Variants in RBFOX1 observed in about 807,000 individuals in gnomAD.
RBFOX1 encodes RNA binding fox-1 homolog 1, also known as RNA binding protein fox-1 homolog 1.
A neutral mutation model predicts 57.7 loss-of-function variants in RBFOX1; 8 were observed. The observed-to-expected ratio is 0.14, with a 90% CI of 0.08 to 0.25. RBFOX1 has a LOEUF of 0.25. Ranked by LOEUF, RBFOX1 falls within the 10% of genes least tolerant of loss-of-function variation. RBFOX1 has a pLI of 1.00. For synonymous variants in RBFOX1, 326 were observed against 222.4 expected, an observed-to-expected ratio of 1.47 and a Z score of -4.15; for missense variants, 611 against 548.5, an observed-to-expected ratio of 1.11 and a Z score of -1.14.
At chr16:5,775,109 G>C (rs1459555477) in intron 3 of RBFOX1, among the ~76,000 whole-genome samples, 2 of 152,150 alleles carry the variant, frequency 1.3e-5, no homozygotes, top group Non-Finnish European at 2.9e-5. Flanking sequence ...TGATCCTTGA[G>C]TGATGGTGTA....
chr16:6,739,053 T>C (rs1416849570), intron 3 of RBFOX1, among the ~76,000 whole-genome samples: 1 of 151,956 alleles, frequency 6.6e-6, no homozygotes, highest in Non-Finnish European at 1.5e-5. Context: ...CTAAAATCAA[T>C]AATGTAAGCT....
At chr16:5,764,735 C>A (rs1020684387) in intron 3 of RBFOX1, among the ~76,000 whole-genome samples, 2 of 152,166 alleles carry the variant, frequency 1.3e-5, no homozygotes, top group Non-Finnish European at 2.9e-5. Context: ...GCTTCAGTTC[C>A]TCCATCCTTC....
At chr16:7,419,723 C>G (rs2098521282) in intron 4 of RBFOX1, among the ~76,000 whole-genome samples, 2 of 152,160 alleles carry the variant, frequency 1.3e-5, no homozygotes, top group African/African-American at 2.4e-5. Context: ...CTGTTTACCT[C>G]TCCTGCATTT....
chr16:6,578,734 A>T (rs1317670518), intron 2 of RBFOX1, among the ~76,000 whole-genome samples: 1 of 152,172 alleles, frequency 6.6e-6, no homozygotes, highest in African/African-American at 2.4e-5. Context: ...ATTTCAAGTC[A>T]GTTATCCCAA....
At chr16:7,458,044 TCTC>T (rs1243148600) in intron 4 of RBFOX1, among the ~76,000 whole-genome samples, 3 of 152,144 alleles carry the variant, frequency 2.0e-5, no homozygotes, top group African/African-American at 4.8e-5. Flanking sequence ...AGCTTGGACA[TCTC>T]CTCTTTAAGG....
chr16:6,735,258 A>C (rs912883875), intron 3 of RBFOX1, among the ~76,000 whole-genome samples: 1 of 152,178 alleles, frequency 6.6e-6, no homozygotes, highest in Non-Finnish European at 1.5e-5. Context: ...TTTGGGAGTT[A>C]AGTACACTTG....
intron 1 of RBFOX1, among the ~76,000 whole-genome samples, chr16:6,108,770 T>G (rs1400203781): frequency 1.3e-5 from 2 of 152,138 alleles, no homozygotes; most frequent in Non-Finnish European, 2.9e-5. Flanking sequence ...TTGACTGGCT[T>G]GTGGCCACAT....
chr16:5,787,347 G>A lies in RBFOX1; in HGVS notation c.319-79956G>A, dbSNP rs567544866. 1.4e-4 allele frequency among the ~76,000 whole-genome samples: 21 copies of A among 152,274 alleles called. No homozygotes were observed. The South Asian group carries it at 4.4e-3, about 32-fold the overall frequency. ...GAAGAGCCTCACAGTGAATTAGACAGAAGACCAATGATGTTTCCTGGCAAT... is the reference window on the plus strand; with the variant it reads ...GAAGAGCCTCACAGTGAATTAGACAAAAGACCAATGATGTTTCCTGGCAAT... On this transcript the variant is annotated intron_variant, in intron 3 of 19. Coordinates refer to the RBFOX1 transcript ENST00000641259.
chr16:6,620,351 TAA>T (rs1160936899), intron 2 of RBFOX1, among the ~76,000 whole-genome samples: 2 of 152,162 alleles, frequency 1.3e-5, no homozygotes, highest in African/African-American at 4.8e-5. Flanking sequence ...AAGGCAGTGT[TAA>T]GAGGGAAATG....
At chr16:6,691,050 C>T (rs1169296860) in intron 3 of RBFOX1, among the ~76,000 whole-genome samples, 1 of 152,152 alleles carries the variant, frequency 6.6e-6, no homozygotes, top group East Asian at 1.9e-4. Context: ...CATGTTACAT[C>T]ATGTTCCTTC....
intron 1 of RBFOX1, among the ~76,000 whole-genome samples, chr16:6,293,688 C>G (rs972456248): frequency 2.0e-5 from 3 of 152,126 alleles, no homozygotes; most frequent in Non-Finnish European, 4.4e-5. Context: ...GCTAGTTCAG[C>G]CCTCGTCGCC....
At chr16:7,285,862 G>A (rs900026307) in intron 4 of RBFOX1, among the ~76,000 whole-genome samples, 1 of 152,172 alleles carries the variant, frequency 6.6e-6, no homozygotes, top group Admixed American at 6.5e-5. Flanking sequence ...AGGGTTTTGT[G>A]TGAACACAAG....
chr16:6,327,588 T>A (rs1024778594), intron 2 of RBFOX1, among the ~76,000 whole-genome samples: 8 of 152,196 alleles, frequency 5.3e-5, no homozygotes, highest in Non-Finnish European at 1.5e-5. Flanking sequence ...TAAGAGGAAC[T>A]AGGCAATGAC....
Position 5,377,864 on chromosome 16 carries a change from T to G in RBFOX1, c.220-89352T>G, listed in dbSNP as rs76778203. Among the ~76,000 whole-genome samples, 1,192 of 151,700 alleles carry G rather than the reference T, an allele frequency of 7.9e-3. 65 individuals are homozygous for G. Among genetic ancestry groups the G allele is most frequent in the African/African-American group, 0.027 (1,104 of 40,958 alleles). ...TTTTCAACACAAGTTTAAAACACAA[T>G]CACAGGGTCAACATGTGCTTTCTCT... is the stretch of plus-strand genomic sequence containing the variant. On this transcript the variant is annotated intron_variant, in intron 1 of 2. Coordinates refer to the RBFOX1 transcript ENST00000585867.
At chr16:5,659,842 A>C (rs2049587972) in intron 3 of RBFOX1, among the ~76,000 whole-genome samples, 2 of 152,174 alleles carry the variant, frequency 1.3e-5, no homozygotes, top group African/African-American at 4.8e-5. Context: ...ATCACATTGC[A>C]GTTGTTGCAG....
chr16:5,809,732 G>A (rs1328590424), intron 3 of RBFOX1, among the ~76,000 whole-genome samples: 3 of 152,210 alleles, frequency 2.0e-5, no homozygotes, highest in African/African-American at 7.2e-5. Context: ...TGGTGGGACA[G>A]TAAACTAGTT....
chr16:6,065,959 G>T (rs9937132), intron 1 of RBFOX1, among the ~76,000 whole-genome samples: 6 of 152,066 alleles, frequency 3.9e-5, no homozygotes, highest in African/African-American at 1.5e-4. Flanking sequence ...TGGAAAGTGC[G>T]CTAAGCATGA....
intron 3 of RBFOX1, among the ~76,000 whole-genome samples, chr16:5,614,712 G>T (rs1261198612): frequency 1.3e-5 from 2 of 152,218 alleles, no homozygotes; most frequent in Non-Finnish European, 2.9e-5. Flanking sequence ...CTAGCAGGAA[G>T]AAGACACATT....
At chr16:7,111,717 A>T (rs74011048) in intron 4 of RBFOX1, among the ~76,000 whole-genome samples, 2 of 151,206 alleles carry the variant, frequency 1.3e-5, no homozygotes, top group Non-Finnish European at 1.5e-5. Context: ...GTCTGAAAGG[A>T]CCTGGTCTTT....
Sources: allele counts gnomAD v4.1 joint callset (sites outside exome capture counted in the v4.1 genomes callset), GRCh38; gene constraint gnomAD v4.1.1; transcripts MANE v1.5; gene names NCBI Gene and HGNC (gene_info 2026-07-23, HGNC 2026-07-21).